Variants in SLC39A11 observed in about 807,000 individuals in gnomAD.
SLC39A11 encodes the protein solute carrier family 39 member 11, also known as zinc transporter ZIP11.
A neutral mutation model predicts 36.1 loss-of-function variants in SLC39A11; 33 were observed. The ratio of observed to expected loss-of-function variants is 0.91; its 90% CI spans 0.69 to 1.22. The LOEUF (loss-of-function observed/expected upper bound fraction) is 1.22, where lower values mean the gene tolerates loss of function less well. Among genes scored for constraint, SLC39A11 ranks in the 50% most tolerant of loss-of-function variants. The pLI, the probability that SLC39A11 is intolerant of heterozygous loss-of-function variation, is 0.00. For missense variants in SLC39A11, 432 were observed against 430.3 expected (o/e 1.00, Z -0.03); for synonymous variants, 166 against 170.3 (o/e 0.97, Z 0.20).
chr17:72,838,273 G>T (rs1459989044), intron 6 of SLC39A11, among the ~76,000 whole-genome samples: 1 of 140,888 alleles, frequency 7.1e-6, no homozygotes, highest in Admixed American at 7.4e-5. Flanking sequence ...CTGTCACCTT[G>T]GCTGGAGTGC....
intron 4 of SLC39A11, among the ~76,000 whole-genome samples, chr17:72,994,565 C>T (rs1054981575): frequency 6.6e-6 from 1 of 152,084 alleles, no homozygotes; most frequent in African/African-American, 2.4e-5. Context: ...TTATTCATTA[C>T]GTTTGTTGTA....
rs145552631 is a variant in SLC39A11 at position 73,013,557 on chromosome 17, C to T, written c.306+17999G>A. On this transcript the variant is annotated intron_variant, in intron 4 of 9. Coordinates refer to ENST00000255559, the MANE Select transcript of SLC39A11 (RefSeq NM_139177.4). ...AGGTGCAGCTGACTTGGCCCTCAGG[C>T]TGTACTTTGCCAGCCCTCCCTCTAA... 6.6e-4 allele frequency among the ~76,000 whole-genome samples: 101 copies of T among 152,368 alleles called. 1 individual carries two copies. The highest frequency in any genetic ancestry group is 3.4e-3 in the Middle Eastern group (1 of 294).
intron 6 of SLC39A11, among the ~76,000 whole-genome samples, chr17:72,845,667 T>C (rs111479705): frequency 0.018 from 2,710 of 152,316 alleles, 82 homozygotes; most frequent in African/African-American, 0.062. Flanking sequence ...ATATTGGTTA[T>C]AGAAGGCCAG....
chr17:72,784,871 T>A (rs1287439095), intron 6 of SLC39A11, among the ~76,000 whole-genome samples: 1 of 151,198 alleles, frequency 6.6e-6, no homozygotes, highest in Non-Finnish European at 1.5e-5. Flanking sequence ...TTTTTTTTTT[T>A]TTTTTTTAGA....
intron 3 of SLC39A11, among the ~76,000 whole-genome samples, chr17:73,064,766 C>T (rs908323044): frequency 2.0e-5 from 3 of 152,136 alleles, no homozygotes; most frequent in Non-Finnish European, 4.4e-5. Context: ...CATCCGGCAT[C>T]CAACCCTGTA....
intron 5 of SLC39A11, among the ~76,000 whole-genome samples, chr17:72,854,491 T>G (rs1227031049): frequency 2.6e-5 from 4 of 152,144 alleles, no homozygotes; most frequent in Non-Finnish European, 5.9e-5. Context: ...CAGACAAACC[T>G]GAAACATTTC....
chr17:72,822,155 G>A (rs1451655569), intron 6 of SLC39A11: 2 of 150,684 alleles, frequency 1.3e-5, no homozygotes, highest in African/African-American at 4.9e-5. Flanking sequence ...TGTCAGAGTA[G>A]GAGACAATAT....
intron 6 of SLC39A11, among the ~76,000 whole-genome samples, chr17:72,800,303 ATTTTTT>A (rs34172959): frequency 6.6e-5 from 6 of 90,364 alleles, no homozygotes; most frequent in African/African-American, 1.6e-4. Flanking sequence ...ACCTACAATA[ATTTTTT>A]TTTTTTTTTT....
chr17:72,960,865 T>C (rs1184955288), intron 4 of SLC39A11, among the ~76,000 whole-genome samples: 2 of 151,666 alleles, frequency 1.3e-5, no homozygotes, highest in Non-Finnish European at 2.9e-5. Flanking sequence ...CCACAATTTA[T>C]AAAAATAAAA....
chr17:72,699,130 G>A (rs957138259), intron 7 of SLC39A11, among the ~76,000 whole-genome samples: 2 of 152,178 alleles, frequency 1.3e-5, no homozygotes, highest in Non-Finnish European at 2.9e-5. Context: ...CGCCTGGCCG[G>A]AGGTTGGTTC....
intron 4 of SLC39A11, among the ~76,000 whole-genome samples, chr17:72,976,843 C>T (rs138536199): frequency 1.3e-4 from 20 of 150,360 alleles, no homozygotes; most frequent in African/African-American, 4.7e-4. Context: ...AGCAAGACTC[C>T]GTCTCAAAAA....
intron 6 of SLC39A11, among the ~76,000 whole-genome samples, chr17:72,772,933 AAAATT>A: frequency 6.6e-6 from 1 of 152,070 alleles, no homozygotes; most frequent in East Asian, 1.9e-4. Context: ...AAAAAATACA[AAAATT>A]AGCTGGGCAT....
At chr17:72,950,965 C>A (rs2147784004) in intron 4 of SLC39A11, among the ~76,000 whole-genome samples, 1 of 152,150 alleles carries the variant, frequency 6.6e-6, no homozygotes, top group Non-Finnish European at 1.5e-5. Context: ...GCCCCCACAA[C>A]AGAGAATGAG....
intron 4 of SLC39A11, among the ~76,000 whole-genome samples, chr17:73,011,245 G>A (rs775353376): frequency 4.6e-5 from 7 of 152,242 alleles, no homozygotes; most frequent in East Asian, 1.9e-4. Flanking sequence ...CCGCAGAGGC[G>A]GTGCCCCAGG....
At chr17:73,076,411 T>A (rs756400697) in intron 3 of SLC39A11, among the ~76,000 whole-genome samples, 3 of 152,212 alleles carry the variant, frequency 2.0e-5, no homozygotes, top group Non-Finnish European at 4.4e-5. Flanking sequence ...CAGAAACACC[T>A]ATTTTGGTGA....
At chr17:72,689,886 T>A (rs527465416) in intron 7 of SLC39A11, among the ~76,000 whole-genome samples, 1 of 152,170 alleles carries the variant, frequency 6.6e-6, no homozygotes, top group Non-Finnish European at 1.5e-5. Flanking sequence ...TTGTACAACA[T>A]TGACAGTACT....
At chr17:72,939,133 G>A (rs368871131) in intron 5 of SLC39A11, among the ~76,000 whole-genome samples, 11 of 152,186 alleles carry the variant, frequency 7.2e-5, no homozygotes, top group African/African-American at 1.7e-4. Context: ...ACTGTCCCCC[G>A]CCAAAATTCA....
Position 72,804,859 on chromosome 17 carries a change from A to G in SLC39A11, c.601+44775T>C, listed in dbSNP as rs191401121. ...ACATGGTGAAACCCCGTCTCTACTA[A>G]AAATACAAAAATCAGCCAGGCGTGG... On this transcript the variant is annotated intron_variant, in intron 6 of 9. Coordinates refer to ENST00000255559, the MANE Select transcript of SLC39A11 (RefSeq NM_139177.4). 3.3e-3 allele frequency among the ~76,000 whole-genome samples: 501 copies of G among 152,298 alleles called. 10 individuals carry two copies. The highest frequency in any genetic ancestry group is 0.031 in the Admixed American group (471 of 15,300).
At chr17:72,911,422 A>G (rs969835615) in intron 5 of SLC39A11, among the ~76,000 whole-genome samples, 1 of 152,122 alleles carries the variant, frequency 6.6e-6, no homozygotes, top group Non-Finnish European at 1.5e-5. Context: ...ATAATTTAAA[A>G]AAAAAAAACT....
Sources: allele counts gnomAD v4.1 joint callset (sites outside exome capture counted in the v4.1 genomes callset), GRCh38; gene constraint gnomAD v4.1.1; transcripts MANE v1.5; gene names NCBI Gene and HGNC (gene_info 2026-07-23, HGNC 2026-07-21).